PCDHGA5: variants seen among roughly 807,000 people sequenced by gnomAD.
PCDHGA5 encodes protocadherin gamma subfamily A, 5, also known as protocadherin gamma-A5.
PCDHGA5 carries 36 observed loss-of-function variants against 56.7 expected under a neutral mutation model. The observed-to-expected ratio is 0.64, with a 90% CI of 0.49 to 0.84. PCDHGA5 has a LOEUF of 0.84. Ranked by LOEUF, PCDHGA5 falls within the 40% of genes least tolerant of loss-of-function variation. The pLI is 0.00. For synonymous variants in PCDHGA5, 563 were observed against 520.2 expected, an observed-to-expected ratio of 1.08 and a Z score of -1.12; for missense variants, 1,305 against 1,201.5, an observed-to-expected ratio of 1.09 and a Z score of -1.27.
In PCDHGA5 at chr5:141,432,172, C is replaced by G. The variant is rs562175068; in HGVS notation, c.2422-62635C>G. On this transcript the variant is annotated intron_variant, in intron 1 of 3. Transcript: ENST00000518069. This position sits in a 1 kb window ranked among gnomAD's most constrained non-coding sequence, Gnocchi z 6.0. ...AGAACAATCCCAGAGGAGTTTCCCTCGTCTCTGTGACCGCCCACGACCCCG... is the reference window on the plus strand; with the variant it reads ...AGAACAATCCCAGAGGAGTTTCCCTGGTCTCTGTGACCGCCCACGACCCCG... 9 of 1,614,034 alleles carry G rather than the reference C, an allele frequency of 5.6e-6. No homozygotes were observed. The highest frequency in any genetic ancestry group is 7.6e-6 in the Non-Finnish European group (9 of 1,180,046).
At chr5:141,448,907 T>G (rs1253773780) in intron 1 of PCDHGA5, among the ~76,000 whole-genome samples, 1 of 152,178 alleles carries the variant, frequency 6.6e-6, no homozygotes, top group African/African-American at 2.4e-5. Flanking sequence ...ATCGTGCCAC[T>G]GCACTCCAGC....
intron 2 of PCDHGA5, among the ~76,000 whole-genome samples, chr5:141,498,889 C>T (rs1415870992): frequency 3.4e-5 from 5 of 146,174 alleles, no homozygotes; most frequent in African/African-American, 1.3e-4. Flanking sequence ...GCTGAGATCA[C>T]ACCACTGCAC....
At chr5:141,418,563 C>A (rs2096269554) in intron 1 of PCDHGA5, 2 of 1,613,998 alleles carry the variant, frequency 1.2e-6, no homozygotes, top group Non-Finnish European at 1.7e-6. Context: ...GTAATAGATG[C>A]CAATGACAAC....
intron 1 of PCDHGA5, among the ~76,000 whole-genome samples, chr5:141,438,139 T>C (rs2097931816): frequency 6.6e-6 from 1 of 152,152 alleles, no homozygotes. Context: ...TGGCAAAAGA[T>C]AGCCAGCCTA....
At chr5:141,375,512 C>G in intron 1 of PCDHGA5, 3 of 1,614,054 alleles carry the variant, frequency 1.9e-6, no homozygotes, top group Non-Finnish European at 2.5e-6. Flanking sequence ...TGTGAATGCA[C>G]TGGACCCTGA....
At chr5:141,494,736 T>C in intron 1 of PCDHGA5, 71 bp from the exon 2 acceptor site, 1 of 1,611,858 alleles carries the variant, frequency 6.2e-7, no homozygotes, top group Non-Finnish European at 8.5e-7. Context: ...TCCCGGCCCA[T>C]CCCTAGGGGC....
Position 141,394,174 on chromosome 5 carries a change from A to G in PCDHGA5, c.2421+27423A>G, listed in dbSNP as rs774402638. On this transcript the variant is annotated intron_variant, in intron 1 of 3. Coordinates refer to ENST00000518069, the MANE Select transcript of PCDHGA5 (RefSeq NM_018918.3). ...AACGACAACCCTCCTACTTTCCCTC[A>G]TGCCTCCTACTCAGCGTATATCCTA... 3 of 1,613,706 alleles carry G rather than the reference A, an allele frequency of 1.9e-6. No individual in the cohort carries two copies. In the East Asian group the frequency reaches 6.7e-5, roughly 36 times the overall value.
chr5:141,394,395 C>G (rs1238779909), intron 1 of PCDHGA5: 2 of 1,614,146 alleles, frequency 1.2e-6, no homozygotes, highest in Non-Finnish European at 1.7e-6. Context: ...GATCCGAGAC[C>G]TGCAGCTACT....
intron 1 of PCDHGA5, among the ~76,000 whole-genome samples, chr5:141,482,767 A>G (rs2099572087): frequency 6.6e-6 from 1 of 150,474 alleles, no homozygotes; most frequent in East Asian, 1.9e-4. Flanking sequence ...TTTCATTATC[A>G]CTGAACCTTA....
intron 1 of PCDHGA5, among the ~76,000 whole-genome samples, chr5:141,479,036 G>C (rs1202411463): frequency 1.3e-5 from 2 of 152,012 alleles, no homozygotes; most frequent in Non-Finnish European, 2.9e-5. Flanking sequence ...TATACAGATC[G>C]TGTACCTCAT....
intron 1 of PCDHGA5, chr5:141,430,495 T>C: frequency 3.4e-6 from 1 of 293,400 alleles, no homozygotes; most frequent in Non-Finnish European, 6.2e-6. Context: ...GAAATATCCT[T>C]TCTGGGAGTT....
At chr5:141,389,142 G>A (rs72790030) in intron 1 of PCDHGA5, 42,481 of 1,613,950 alleles carry the variant, frequency 0.026, 745 homozygotes, top group East Asian at 0.04. Flanking sequence ...CAATATAACC[G>A]TTACGGCAAC....
intron 1 of PCDHGA5, among the ~76,000 whole-genome samples, chr5:141,450,304 T>C (rs759506660): frequency 1.3e-5 from 2 of 151,906 alleles, no homozygotes; most frequent in African/African-American, 2.4e-5. Flanking sequence ...TGAGCCACCA[T>C]GTGTGGCCTA....
Position 141,489,552 on chromosome 5 carries a change from G to T in PCDHGA5, c.2422-5255G>T, listed in dbSNP as rs2099688780. ...GTGGAGCCAGCACCAGCTGCCTGCTGCCAGTGCAGGTGGTGACTGAACACC... is the reference window on the plus strand; with the variant it reads ...GTGGAGCCAGCACCAGCTGCCTGCTTCCAGTGCAGGTGGTGACTGAACACC... On this transcript the variant is annotated intron_variant, in intron 1 of 3. Coordinates refer to ENST00000518069, the MANE Select transcript of PCDHGA5 (RefSeq NM_018918.3). The surrounding 1 kb of genome is among the most constrained non-coding windows in gnomAD (Gnocchi z 4.5). The T allele has an allele frequency of 6.2e-7, 1 of 1,613,988 alleles. No homozygotes were observed. The highest frequency in any genetic ancestry group is 1.7e-5 in the Admixed American group (1 of 60,000).
rs766260971 is a variant in PCDHGA5 at position 141,365,497 on chromosome 5, T to A, written c.1167T>A (p.Asn389Lys). The change falls in exon 1 of 4, where the codon AAT becomes AAA. Residue 389 changes from asparagine to lysine, a missense_variant. Transcript: ENST00000518069. ...NGEIACSIPR[N>K]LPFKLEKSVD... ...AGATTGCATGCTCTATTCCTAGGAA[T>A]TTGCCTTTTAAATTGGAGAAGTCAG... 3.1e-6 allele frequency: 5 copies of A among 1,613,978 alleles called. No homozygotes were observed. The South Asian group carries it at 4.4e-5, about 14-fold the overall frequency.
chr5:141,511,062 C>T lies in PCDHGA5; in HGVS notation c.2685C>T (p.Tyr895=), dbSNP rs775583963. The change falls in exon 4 of 4, where the codon TAC becomes TAT. Residue 895 remains tyrosine, a synonymous_variant. Transcript: ENST00000518069. ...TGCCCGACTACCGCCAGAATGTCTACATCCCAGGCAGCAATGCCACACTGA... is the reference window on the plus strand; with the variant it reads ...TGCCCGACTACCGCCAGAATGTCTATATCCCAGGCAGCAATGCCACACTGA... ...QHVPDYRQNV[Y]IPGSNATLTN... The T allele has an allele frequency of 6.2e-7, 1 of 1,614,246 alleles. No homozygotes were observed. The highest frequency in any genetic ancestry group is 1.3e-5 in the African/African-American group (1 of 75,064).
At chr5:141,479,063 A>G (rs1476826751) in intron 1 of PCDHGA5, among the ~76,000 whole-genome samples, 1 of 152,204 alleles carries the variant, frequency 6.6e-6, no homozygotes, top group African/African-American at 2.4e-5. Context: ...ATAATTTTTT[A>G]TGAATGAAAT....
chr5:141,375,944 C>G (rs1365248346), intron 1 of PCDHGA5: 6 of 1,613,500 alleles, frequency 3.7e-6, no homozygotes, highest in Non-Finnish European at 5.1e-6. Flanking sequence ...CTCAGTGGGC[C>G]TGCACACGGG....
At chr5:141,406,989 T>C (rs1402069577) in intron 1 of PCDHGA5, among the ~76,000 whole-genome samples, 2 of 152,236 alleles carry the variant, frequency 1.3e-5, no homozygotes, top group Non-Finnish European at 2.9e-5. Context: ...TCACAAGACA[T>C]TTGAAAATAA....
Sources: allele counts gnomAD v4.1 joint callset (sites outside exome capture counted in the v4.1 genomes callset), GRCh38; gene constraint gnomAD v4.1.1; non-coding constraint Gnocchi (gnomAD v3.1); transcripts MANE v1.5; gene names NCBI Gene and HGNC (gene_info 2026-07-23, HGNC 2026-07-21).